The following UGT2B7 variants were observed in gnomAD, a reference collection of about 807,000 sequenced individuals.
UGT2B7 encodes UDP glucuronosyltransferase family 2 member B7.
Under a neutral mutation model 51.9 loss-of-function variants are expected in UGT2B7, and 51 were observed. The ratio of observed to expected loss-of-function variants is 0.98; its 90% CI spans 0.78 to 1.24. The LOEUF is 1.24. UGT2B7 is among the 50% of genes most tolerant of loss of function. UGT2B7 has a pLI of 0.00. For synonymous variants in UGT2B7, 225 were observed against 211.6 expected (o/e 1.06, Z -0.55); for missense variants, 727 against 628.4 (o/e 1.16, Z -1.68).
intron 1 of UGT2B7, among the ~76,000 whole-genome samples, chr4:69,061,272 T>C (rs1718339858): frequency 6.6e-6 from 1 of 152,180 alleles, no homozygotes. Context: ...GACTCTTAAC[T>C]CCTGGAGGTA....
chr4:69,111,628 C>A (rs1437460668), intron 5 of UGT2B7, among the ~76,000 whole-genome samples: 1 of 152,090 alleles, frequency 6.6e-6, no homozygotes, highest in Non-Finnish European at 1.5e-5. Context: ...TCCTATTTTC[C>A]ATGATGTGAT....
At chr4:69,064,094 A>AAGAAAGAAAGAAAGAAAG (rs1560499755) in intron 1 of UGT2B7, among the ~76,000 whole-genome samples, 3 of 84,420 alleles carry the variant, frequency 3.6e-5, no homozygotes, top group African/African-American at 1.5e-4. Context: ...GAAAGAAAGA[A>AAGAAAGAAAGAAAGAAAG]AGAGAAAGAA....
intron 1 of UGT2B7, among the ~76,000 whole-genome samples, chr4:69,070,216 T>A (rs1173954408): frequency 1.4e-5 from 2 of 147,822 alleles, no homozygotes; most frequent in Non-Finnish European, 3.0e-5. Flanking sequence ...ACCTCTTCTT[T>A]TATATATATA....
intron 2 of UGT2B7, 95 bp from the exon 3 acceptor site, chr4:69,102,712 C>T: frequency 6.6e-7 from 1 of 1,525,020 alleles, no homozygotes; most frequent in Non-Finnish European, 8.8e-7. Flanking sequence ...CCTCAAAATA[C>T]TGGATTTTCT....
chr4:69,098,902 G>T (rs1236697001), intron 2 of UGT2B7, among the ~76,000 whole-genome samples: 3 of 151,916 alleles, frequency 2.0e-5, no homozygotes, highest in Middle Eastern at 3.4e-3. Flanking sequence ...ATACTAAGGA[G>T]ACTTTGAAAA....
chr4:69,061,743 C>T (rs902753356), intron 1 of UGT2B7, among the ~76,000 whole-genome samples: 1 of 152,294 alleles, frequency 6.6e-6, no homozygotes, highest in East Asian at 1.9e-4. Flanking sequence ...TTGTAAACAG[C>T]GTTTAACTTG....
Position 69,112,836 on chromosome 4 carries a change from CAAAAA to C in UGT2B7, c.*109_*113del. 2 of 1,056,114 alleles carry C rather than the reference CAAAAA, an allele frequency of 1.9e-6. No homozygotes were observed. Among genetic ancestry groups the C allele is most frequent in the Non-Finnish European group, 1.2e-6 (1 of 824,538 alleles). The allele number at this position is 1,056,114 out of a possible 1,614,324, so 65.4% of individuals were successfully genotyped here. A position where few individuals can be genotyped will look rare whatever the true frequency, so the allele number is the denominator to read the frequency against. On this transcript the variant is annotated 3_prime_UTR_variant, in exon 6 of 6. Coordinates refer to ENST00000305231, the MANE Select transcript of UGT2B7 (RefSeq NM_001074.4). Reference sequence around the variant, plus strand: ...ATGCAAGATTTCTTTCTTCCTGAGACAAAAAAAAAAAAAGAAAAAAAAATCTTTTC... The same window carrying C: ...ATGCAAGATTTCTTTCTTCCTGAGACAAAAAAAAGAAAAAAAAATCTTTTC...
intron 1 of UGT2B7, among the ~76,000 whole-genome samples, chr4:69,062,159 A>C (rs1014073568): frequency 2.0e-5 from 3 of 152,126 alleles, no homozygotes; most frequent in African/African-American, 4.8e-5. Context: ...TGCTGAAGAA[A>C]TTTTGTCAGG....
Position 69,098,767 on chromosome 4 carries a change from G to A in UGT2B7, c.870+79G>A, listed in dbSNP as rs559865555. 1.5e-5 allele frequency: 23 copies of A among 1,578,122 alleles called. No homozygotes were observed. The East Asian group carries it at 4.7e-4, about 32-fold the overall frequency. ...TGATTCTATAGTCTTCTTTCAGAGT[G>A]TTTGACTTACACTGAAAGAAAGATG... On this transcript the variant is annotated intron_variant, in intron 2 of 5. Transcript: ENST00000305231.
At chr4:69,104,265 C>A (rs1719523918) in intron 3 of UGT2B7, among the ~76,000 whole-genome samples, 1 of 152,026 alleles carries the variant, frequency 6.6e-6, no homozygotes, top group African/African-American at 2.4e-5. Context: ...CCAGCCTGGG[C>A]AAACCCCTCT....
chr4:69,089,387 T>C (rs1402562033), intron 1 of UGT2B7: 4 of 152,208 alleles, frequency 2.6e-5, no homozygotes, highest in Non-Finnish European at 5.9e-5. Context: ...TCACAACTTC[T>C]TCAGATTTTT....
intron 1 of UGT2B7, among the ~76,000 whole-genome samples, chr4:69,058,662 G>A (rs1425473940): frequency 2.6e-5 from 4 of 151,712 alleles, no homozygotes; most frequent in African/African-American, 9.7e-5. Context: ...AGGCCCAGGG[G>A]GATATCAGGC....
rs769002896 is a variant in UGT2B7, at chr4:69,052,612, C to T, written c.-159+1010C>T. Among the ~76,000 whole-genome samples, 522 of 129,068 alleles carry T rather than the reference C, an allele frequency of 4.0e-3. 1 individual carries two copies. The highest frequency in any genetic ancestry group is 9.4e-3 in the Middle Eastern group (2 of 212). The allele number at this position is 129,068 out of a possible 152,430, so 84.7% of individuals were successfully genotyped here. On this transcript the variant is annotated intron_variant, in intron 1 of 5. Transcript: ENST00000502942. ...AAAAAAGAAGGGGAGGCAAAATTTA[C>T]GTAAAAAGAGTGTTATATGGTAAAT...
chr4:69,052,587 A>C (rs1176433713), intron 1 of UGT2B7, among the ~76,000 whole-genome samples: 1 of 151,304 alleles, frequency 6.6e-6, no homozygotes, highest in African/African-American at 2.4e-5. Context: ...AAAAAAAAAA[A>C]AAAAAGAAGG....
intron 1 of UGT2B7, among the ~76,000 whole-genome samples, chr4:69,067,147 T>C (rs1718498431): frequency 6.6e-6 from 1 of 152,136 alleles, no homozygotes; most frequent in Non-Finnish European, 1.5e-5. Context: ...TCTCTATTTG[T>C]CCACATGACA....
chr4:69,112,833 AGAC>A lies in UGT2B7; in HGVS notation c.*98_*100del. The A allele has an allele frequency of 8.0e-7, 1 of 1,250,652 alleles. No homozygotes were observed. 77.5% of individuals were successfully genotyped at this position (1,250,652 alleles called of 1,614,324 possible). On this transcript the variant is annotated 3_prime_UTR_variant, in exon 6 of 6. Coordinates refer to ENST00000305231, the MANE Select transcript of UGT2B7 (RefSeq NM_001074.4). ...GTGATGCAAGATTTCTTTCTTCCTG[AGAC>A]AAAAAAAAAAAAAGAAAAAAAAATC...
upstream of UGT2B7, among the ~76,000 whole-genome samples, chr4:69,092,626 T>C (rs528855036): frequency 1.9e-3 from 285 of 152,116 alleles, 1 homozygote; most frequent in Middle Eastern, 0.01. Context: ...ATATGAAAAA[T>C]ATAAGTTTTC....
At chr4:69,108,399 C>G in intron 5 of UGT2B7, 77 bp downstream of exon 5, 4 of 1,509,154 alleles carry the variant, frequency 2.7e-6, no homozygotes, top group Non-Finnish European at 3.6e-6. Flanking sequence ...GAGTTTCATC[C>G]TTTTTATAAG....
intron 4 of UGT2B7, among the ~76,000 whole-genome samples, 168 bp downstream of exon 4, chr4:69,107,430 G>T (rs1719636592): frequency 6.6e-6 from 1 of 152,012 alleles, no homozygotes; most frequent in Admixed American, 6.6e-5. Flanking sequence ...ATAATTTTTG[G>T]CATTTTATGA....
Sources: allele counts gnomAD v4.1 joint callset (sites outside exome capture counted in the v4.1 genomes callset), GRCh38; gene constraint gnomAD v4.1.1; transcripts MANE v1.5; gene names NCBI Gene and HGNC (gene_info 2026-07-23, HGNC 2026-07-21).